The following LGR4 variants were observed in gnomAD, a reference collection of about 807,000 sequenced individuals.
LGR4 encodes leucine-rich repeat-containing G protein-coupled receptor 4.
A neutral mutation model predicts 84.8 loss-of-function variants in LGR4; 44 were observed. The ratio of observed to expected loss-of-function variants is 0.52; its 90% CI spans 0.41 to 0.67. The LOEUF is 0.67. LGR4 is among the 30% of genes least tolerant of loss of function. The pLI is 0.00. For synonymous variants in LGR4, 429 were observed against 434.3 expected, an observed-to-expected ratio of 0.99 and a Z score of 0.15; for missense variants, 1,032 against 1,131.4, an observed-to-expected ratio of 0.91 and a Z score of 1.26.
chr11:27,393,705 CA>C (rs1011123128), intron 2 of LGR4, among the ~76,000 whole-genome samples: 1 of 151,990 alleles, frequency 6.6e-6, no homozygotes, highest in African/African-American at 2.4e-5. Context: ...GCCAGACACA[CA>C]ACATCTTTAG....
At chr11:27,380,840 T>C (rs1697796874) in intron 8 of LGR4, 55 bp downstream of exon 8, 4 of 1,238,994 alleles carry the variant, frequency 3.2e-6, no homozygotes, top group Non-Finnish European at 3.6e-6. Flanking sequence ...TTTGGCATTG[T>C]ACGGACACAG....
intron 2 of LGR4, among the ~76,000 whole-genome samples, chr11:27,405,301 C>T (rs1863584219): frequency 1.3e-5 from 2 of 152,166 alleles, no homozygotes; most frequent in East Asian, 3.9e-4. Flanking sequence ...TGCCCCAGTT[C>T]TCCTGCTCCT....
intron 4 of LGR4, among the ~76,000 whole-genome samples, chr11:27,388,249 T>A (rs1444938541): frequency 1.3e-5 from 2 of 152,142 alleles, no homozygotes; most frequent in Non-Finnish European, 2.9e-5. Flanking sequence ...GAGGCACCCA[T>A]AAGAGTAAAG....
chr11:27,385,007 G>A (rs1241911505), intron 5 of LGR4, among the ~76,000 whole-genome samples: 1 of 152,140 alleles, frequency 6.6e-6, no homozygotes, highest in Non-Finnish European at 1.5e-5. Flanking sequence ...AGTGTGTGCT[G>A]AATGACCCAA....
At chr11:27,377,402 A>G (rs1863005645) in intron 11 of LGR4, among the ~76,000 whole-genome samples, 179 bp from the exon 12 acceptor site, 1 of 152,078 alleles carries the variant, frequency 6.6e-6, no homozygotes, top group Non-Finnish European at 1.5e-5. Flanking sequence ...CAGTGATACA[A>G]TAAGCCTAAG....
intron 15 of LGR4, chr11:27,373,324 C>G (rs1190830242): frequency 2.7e-6 from 1 of 368,812 alleles, no homozygotes; most frequent in East Asian, 4.1e-5. Context: ...TGGTGAATAG[C>G]TGTATTATCT....
At chr11:27,372,259 A>AT in intron 16 of LGR4, 24 bp downstream of exon 16, 1 of 1,332,202 alleles carries the variant, frequency 7.5e-7, no homozygotes, top group Non-Finnish European at 1.1e-6. Flanking sequence ...GGAGTGTTCT[A>AT]TTTTTTGAAA....
rs1862927573 is a variant in LGR4 at position 27,373,747 on chromosome 11, A to G, written c.1254-71T>C. The stretch of plus-strand genomic sequence containing the variant: ...ACATAAAAACATCTGTACACGTATT[A>G]ACATCATAAATATTAGATCCCTAAG... On this transcript the variant is annotated intron_variant, in intron 14 of 17. Transcript: ENST00000379214. 9 of 1,354,338 alleles carry G rather than the reference A, an allele frequency of 6.6e-6. No individual in the cohort carries two copies. In the Admixed American group the frequency reaches 6.8e-5, roughly 10 times the overall value. The allele number at this position is 1,354,338 out of a possible 1,614,324, so 83.9% of individuals were successfully genotyped here. A position where few individuals can be genotyped will look rare whatever the true frequency, so the allele number is the denominator to read the frequency against.
Position 27,367,713 on chromosome 11 carries a change from T to C in LGR4, c.*154A>G. On this transcript the variant is annotated 3_prime_UTR_variant, in exon 18 of 18. Transcript: ENST00000379214. ...AATTTAGGCACCTGTTCTTTGAAAA[T>C]GACTGGTTTGAGAAATAAACTGCCA... is the stretch of plus-strand genomic sequence containing the variant. 1 of 563,032 alleles carries C rather than the reference T, an allele frequency of 1.8e-6. No homozygotes were observed. The highest frequency in any genetic ancestry group is 2.8e-5 in the East Asian group (1 of 35,414). 34.9% of individuals were successfully genotyped at this position (563,032 alleles called of 1,614,324 possible). A position where few individuals can be genotyped will look rare whatever the true frequency, so the allele number is the denominator to read the frequency against.
At chr11:27,378,019 A>G (rs10835172) in intron 11 of LGR4, among the ~76,000 whole-genome samples, 36,755 of 152,124 alleles carry the variant, frequency 0.24, 5,636 homozygotes, top group East Asian at 0.45. Context: ...GTAACAGATT[A>G]TATCATATAG....
At chr11:27,429,310 C>T (rs1047373175) in intron 1 of LGR4, among the ~76,000 whole-genome samples, 5 of 151,974 alleles carry the variant, frequency 3.3e-5, no homozygotes, top group African/African-American at 1.2e-4. Context: ...CATGGTGAAA[C>T]CTCATCTTTA....
In LGR4 at chr11:27,472,386, G is replaced by T; in HGVS notation, c.-84C>A. The T allele has an allele frequency of 9.1e-7, 1 of 1,098,004 alleles. No homozygotes were observed. Among genetic ancestry groups the T allele is most frequent in the Non-Finnish European group, 1.1e-6 (1 of 874,510 alleles). 68.0% of individuals were successfully genotyped at this position (1,098,004 alleles called of 1,614,324 possible). A position where few individuals can be genotyped will look rare whatever the true frequency, so the allele number is the denominator to read the frequency against. ...CGATGTCCCCCGCCGCCCCCGGGCA[G>T]CCGGCCTGCGGGCTGGAGCGGGGGT... On this transcript the variant is annotated 5_prime_UTR_variant, in exon 1 of 18. The change creates a new upstream start codon in the 5' untranslated region. Transcript: ENST00000379214.
At position 27,368,024 on chromosome 11, in the gene LGR4, C is replaced by CCA; in HGVS notation, c.2697_2698dup (p.Gly900ValfsTer59). 1 of 1,380,868 alleles carries CCA rather than the reference C, an allele frequency of 7.2e-7. No homozygotes were observed. Among genetic ancestry groups the CCA allele is most frequent in the Non-Finnish European group, 9.9e-7 (1 of 1,005,646 alleles). 85.5% of individuals were successfully genotyped at this position (1,380,868 alleles called of 1,614,324 possible). A position where few individuals can be genotyped will look rare whatever the true frequency, so the allele number is the denominator to read the frequency against. On this transcript the variant is annotated frameshift_variant, in exon 18 of 18. Coordinates refer to ENST00000379214, the MANE Select transcript of LGR4 (RefSeq NM_018490.5). LOFTEE classifies it high-confidence loss of function. ...ATAATCAGAGTGGGCCGACTGTGTG[C>CCA]CACAGTCGGACCAGTAGCCCTCAGG...
chr11:27,467,997 G>A (rs1241273261), intron 1 of LGR4, among the ~76,000 whole-genome samples: 1 of 152,102 alleles, frequency 6.6e-6, no homozygotes, highest in African/African-American at 2.4e-5. Context: ...CAAACATGTA[G>A]CCACTGACTA....
chr11:27,447,295 G>C (rs946523980), intron 1 of LGR4, among the ~76,000 whole-genome samples: 2 of 152,134 alleles, frequency 1.3e-5, no homozygotes, highest in Non-Finnish European at 2.9e-5. Flanking sequence ...TGATAAAACA[G>C]GATGCAATAA....
chr11:27,379,647 A>G (rs1300774046), intron 10 of LGR4, among the ~76,000 whole-genome samples: 1 of 152,102 alleles, frequency 6.6e-6, no homozygotes, highest in Non-Finnish European at 1.5e-5. Context: ...GCCCCAACTG[A>G]CTGTCTGGAG....
chr11:27,404,581 C>T (rs888731763), intron 2 of LGR4, among the ~76,000 whole-genome samples: 1 of 152,124 alleles, frequency 6.6e-6, no homozygotes, highest in Non-Finnish European at 1.5e-5. Context: ...TTTTCTTCTG[C>T]TTCCTTTGGG....
chr11:27,373,741 C>T (rs369260256), intron 14 of LGR4, 65 bp from the exon 15 acceptor site: 10 of 1,376,098 alleles, frequency 7.3e-6, no homozygotes, highest in Admixed American at 4.5e-5. Flanking sequence ...CATCTGTACA[C>T]GTATTAACAT....
intron 2 of LGR4, among the ~76,000 whole-genome samples, chr11:27,406,443 T>C (rs1367101677): frequency 1.3e-5 from 2 of 152,110 alleles, no homozygotes; most frequent in Non-Finnish European, 1.5e-5. Context: ...TTACTTAACC[T>C]CTCTGATGAA....
Sources: gnomAD v4.1 joint callset for allele counts (sites outside exome capture counted in the v4.1 genomes callset) on GRCh38, gnomAD v4.1.1 for gene constraint, MANE v1.5 for transcripts, NCBI Gene and HGNC (gene_info 2026-07-23, HGNC 2026-07-21) for gene names.